The following SNX27 variants were observed in gnomAD, a reference collection of about 807,000 sequenced individuals.
The protein encoded by SNX27 is sorting nexin 27, also known as sorting nexin-27.
Under a neutral mutation model 71.6 loss-of-function variants are expected in SNX27, and 22 were observed. That is an observed-to-expected ratio of 0.31 (90% confidence interval 0.22 to 0.44). SNX27 has a LOEUF of 0.44. Among genes scored for constraint, SNX27 ranks in the 20% least tolerant of loss-of-function variants. SNX27 has a pLI of 1.00. For missense variants in SNX27, 531 were observed against 698.6 expected (o/e 0.76, Z 2.70); for synonymous variants, 269 against 277.2 (o/e 0.97, Z 0.29).
intron 5 of SNX27, 67 bp from the exon 6 acceptor site, chr1:151,665,866 C>CCTG (rs1670167072): frequency 9.6e-6 from 13 of 1,349,190 alleles, no homozygotes; most frequent in Non-Finnish European, 1.4e-5. Flanking sequence ...CAGACATACA[C>CCTG]CTGCTTTTTC....
chr1:151,673,799 G>T (rs2102704297), intron 7 of SNX27, among the ~76,000 whole-genome samples: 1 of 152,096 alleles, frequency 6.6e-6, no homozygotes, highest in African/African-American at 2.4e-5. Context: ...GACCTTCTTT[G>T]TCTTGTCCTA....
At chr1:151,656,147 C>T (rs146187481) in intron 2 of SNX27, among the ~76,000 whole-genome samples, 2,110 of 139,028 alleles carry the variant, frequency 0.015, 30 homozygotes, top group Non-Finnish European at 0.023. Flanking sequence ...GGCGTGAACC[C>T]GGGGGGCGGA....
At chr1:151,675,810 C>CTTTCTTTTTTT (rs1670665258) in intron 7 of SNX27, 3 of 31,464 alleles carry the variant, frequency 9.5e-5, no homozygotes, top group Admixed American at 4.8e-4. Flanking sequence ...TTCTTTCTTT[C>CTTTCTTTTTTT]TTTTTTTTTT....
chr1:151,620,535 C>G (rs138634029), intron 1 of SNX27, among the ~76,000 whole-genome samples: 2 of 152,118 alleles, frequency 1.3e-5, no homozygotes, highest in Admixed American at 1.3e-4. Context: ...ATTTCACAAT[C>G]GAATCCAGCT....
intron 2 of SNX27, among the ~76,000 whole-genome samples, chr1:151,657,574 T>G (rs1237625230): frequency 2.0e-5 from 3 of 152,224 alleles, no homozygotes; most frequent in Non-Finnish European, 4.4e-5. Context: ...CCCTAGGTTT[T>G]CAGCTCCCTT....
Position 151,612,444 on chromosome 1 carries a change from G to A in SNX27, c.243G>A (p.Val81=). ...AGCTGTACGCGCCGCTGCAGCATGTGAGCGCCGTGCTGCCCGGGGGGGCGG... is the reference window on the plus strand; with the variant it reads ...AGCTGTACGCGCCGCTGCAGCATGTAAGCGCCGTGCTGCCCGGGGGGGCGG... The part of the protein sequence containing the change: ...NGELYAPLQH[V]SAVLPGGAAD... Residue 81 remains valine (V), a synonymous_variant, in exon 1 of 12, where the codon GTG becomes GTA. Coordinates refer to ENST00000458013, the MANE Select transcript of SNX27 (RefSeq NM_001330723.2). The surrounding 1 kb of genome is among the most constrained non-coding windows in gnomAD (Gnocchi z 5.2). 6.9e-7 allele frequency: 1 copy of A among 1,452,746 alleles called. No homozygotes were observed. Among genetic ancestry groups the A allele is most frequent in the Non-Finnish European group, 9.1e-7 (1 of 1,103,170 alleles). 90.0% of individuals were successfully genotyped at this position (1,452,746 alleles called of 1,614,324 possible).
intron 2 of SNX27, among the ~76,000 whole-genome samples, chr1:151,653,225 CTTTTTTT>C (rs1291290211): frequency 6.6e-6 from 1 of 151,602 alleles, no homozygotes; most frequent in African/African-American, 2.4e-5. Flanking sequence ...CGCACCCAGC[CTTTTTTT>C]TTGTTGTTGT....
At chr1:151,693,898 G>A in intron 11 of SNX27, 2 of 1,384,118 alleles carry the variant, frequency 1.4e-6, no homozygotes, top group Non-Finnish European at 1.9e-6. Flanking sequence ...TGTGAGGGAA[G>A]GTGTTTGCTG....
chr1:151,675,704 A>G (rs1227263756), intron 7 of SNX27, among the ~76,000 whole-genome samples: 1 of 143,094 alleles, frequency 7.0e-6, no homozygotes, highest in Non-Finnish European at 1.5e-5. Flanking sequence ...TTTTTTGAGT[A>G]TGTGATTATA....
chr1:151,679,468 A>G (rs1001688414), intron 7 of SNX27: 6 of 152,232 alleles, frequency 3.9e-5, no homozygotes, highest in Admixed American at 6.5e-5. Flanking sequence ...AGCTCACAAA[A>G]GTAGCAGTAT....
chr1:151,652,000 G>A (rs889566295), intron 2 of SNX27, among the ~76,000 whole-genome samples: 5 of 152,198 alleles, frequency 3.3e-5, no homozygotes, highest in African/African-American at 9.6e-5. Context: ...AGGGGCTGGA[G>A]ACCAGCTCGG....
intron 2 of SNX27, among the ~76,000 whole-genome samples, chr1:151,654,387 G>A (rs768507273): frequency 7.2e-5 from 11 of 151,990 alleles, no homozygotes; most frequent in Non-Finnish European, 1.0e-4. Context: ...CCTTGTATCT[G>A]TGGTTAGTCT....
intron 1 of SNX27, among the ~76,000 whole-genome samples, chr1:151,631,269 A>G (rs983285040): frequency 6.6e-6 from 1 of 152,232 alleles, no homozygotes; most frequent in Admixed American, 6.5e-5. Context: ...CTCTTCTCAT[A>G]TGCCAGGGGT....
At chr1:151,673,496 C>G (rs1235909434) in intron 7 of SNX27, among the ~76,000 whole-genome samples, 2 of 152,144 alleles carry the variant, frequency 1.3e-5, no homozygotes, top group African/African-American at 4.8e-5. Flanking sequence ...AATGAGTGTT[C>G]TGCAGTCATT....
intron 1 of SNX27, among the ~76,000 whole-genome samples, chr1:151,623,222 A>G (rs1253764954): frequency 1.3e-5 from 2 of 151,696 alleles, no homozygotes; most frequent in East Asian, 1.9e-4. Flanking sequence ...GCTTACTGCA[A>G]TTCTGCCTCC....
intron 1 of SNX27, among the ~76,000 whole-genome samples, chr1:151,633,749 C>T (rs74125845): frequency 7.0e-4 from 107 of 152,310 alleles, no homozygotes; most frequent in African/African-American, 2.4e-3. Context: ...TTTCCTCCCG[C>T]CGAGTGTATT....
chr1:151,675,508 A>G (rs571732591), intron 7 of SNX27, among the ~76,000 whole-genome samples: 6 of 151,580 alleles, frequency 4.0e-5, no homozygotes, highest in Admixed American at 3.9e-4. Context: ...AATGTAGTAT[A>G]TGTTGTTTAG....
chr1:151,694,246 C>G, intron 11 of SNX27, 124 bp from the exon 12 acceptor site: 1 of 1,474,628 alleles, frequency 6.8e-7, no homozygotes, highest in Non-Finnish European at 9.0e-7. Flanking sequence ...GAAGTTATAT[C>G]AAGAAAGATG....
intron 2 of SNX27, among the ~76,000 whole-genome samples, chr1:151,642,985 C>T (rs897907714): frequency 4.7e-5 from 7 of 148,056 alleles, no homozygotes; most frequent in East Asian, 2.0e-4. Flanking sequence ...TTTTTTGAGA[C>T]GGAATTTCAC....
Sources: allele counts gnomAD v4.1 joint callset (sites outside exome capture counted in the v4.1 genomes callset), GRCh38; gene constraint gnomAD v4.1.1; non-coding constraint Gnocchi (gnomAD v3.1); transcripts MANE v1.5; gene names NCBI Gene and HGNC (gene_info 2026-07-23, HGNC 2026-07-21).